The following PARD3B variants were observed in gnomAD, a reference collection of about 807,000 sequenced individuals.
PARD3B encodes par-3 family cell polarity regulator beta.
PARD3B carries 103 observed loss-of-function variants against 130.2 expected under a neutral mutation model. That is an observed-to-expected ratio of 0.79 (90% CI 0.67 to 0.93). The LOEUF is 0.93. Among genes scored for constraint, PARD3B ranks in the 40% least tolerant of loss-of-function variants. The pLI is 0.00. For synonymous variants in PARD3B, 583 were observed against 553.2 expected (o/e 1.05, Z -0.76); for missense variants, 1,609 against 1,499.2 (o/e 1.07, Z -1.21).
chr2:205,210,503 A>G (rs983227963), intron 15 of PARD3B, among the ~76,000 whole-genome samples: 1 of 152,080 alleles, frequency 6.6e-6, no homozygotes, highest in African/African-American at 2.4e-5. Context: ...AGTTGTTTCC[A>G]ATTCTTCACT....
At chr2:205,010,510 C>G (rs988205528) in intron 3 of PARD3B, among the ~76,000 whole-genome samples, 3 of 152,170 alleles carry the variant, frequency 2.0e-5, no homozygotes, top group African/African-American at 7.2e-5. Flanking sequence ...CAGTAGCTTT[C>G]TAAGAAAGAT....
At chr2:204,944,690 T>C (rs1689171528) in intron 2 of PARD3B, among the ~76,000 whole-genome samples, 1 of 152,262 alleles carries the variant, frequency 6.6e-6, no homozygotes, top group South Asian at 2.1e-4. Flanking sequence ...TAGTGAGTTT[T>C]CTAAATTTTA....
chr2:204,877,512 T>G (rs1487439081), intron 2 of PARD3B, among the ~76,000 whole-genome samples: 1 of 152,178 alleles, frequency 6.6e-6, no homozygotes, highest in Non-Finnish European at 1.5e-5. Context: ...CTAGCGTATG[T>G]GCAGTTTTTG....
rs192043382 is a variant in PARD3B, at chr2:205,297,719, A to G, written c.2186-2811A>G. ...TACAGCTACATTCTGTGCATTCTCC[A>G]GGAATAAATAGAATTTTTTTTCCAA... On this transcript the variant is annotated intron_variant, in intron 16 of 22. Transcript: ENST00000406610. 3.3e-5 allele frequency among the ~76,000 whole-genome samples: 5 copies of G among 152,292 alleles called. No individual in the cohort carries two copies. The East Asian group carries it at 9.7e-4, about 29-fold the overall frequency.
At chr2:204,845,697 A>G (rs2044434553) in intron 2 of PARD3B, among the ~76,000 whole-genome samples, 1 of 152,128 alleles carries the variant, frequency 6.6e-6, no homozygotes, top group Non-Finnish European at 1.5e-5. Flanking sequence ...TACATAGGTT[A>G]CAAGTGAATA....
At position 204,986,417 on chromosome 2, in the gene PARD3B, G is replaced by T. The variant is rs75074559; in HGVS notation, c.394+21094G>T. Among the ~76,000 whole-genome samples the T allele has an allele frequency of 5.7e-4, 87 of 152,298 alleles. 1 individual carries two copies. Among genetic ancestry groups the T allele is most frequent in the Middle Eastern group, 3.4e-3 (1 of 294 alleles). ...ACTGTGATTTGTCTCAGCAATGGCA[G>T]TTACTGATTTGTAATAATCAGTACT... On this transcript the variant is annotated intron_variant, in intron 3 of 22. Transcript: ENST00000406610.
At chr2:204,744,913 G>A (rs1325201403) in intron 2 of PARD3B, among the ~76,000 whole-genome samples, 2 of 152,160 alleles carry the variant, frequency 1.3e-5, no homozygotes, top group Non-Finnish European at 2.9e-5. Flanking sequence ...GATTAATTGA[G>A]TGGGGCTGTC....
chr2:204,782,738 C>A (rs2041882534), intron 2 of PARD3B, among the ~76,000 whole-genome samples: 1 of 151,870 alleles, frequency 6.6e-6, no homozygotes, highest in South Asian at 2.1e-4. Flanking sequence ...TATATTTTCA[C>A]TATATCTTTT....
At chr2:205,561,468 A>C (rs1004854082) in intron 22 of PARD3B, among the ~76,000 whole-genome samples, 3 of 152,184 alleles carry the variant, frequency 2.0e-5, no homozygotes, top group African/African-American at 7.2e-5. Context: ...AAAAGCTGAC[A>C]AAGTCTCCAT....
intron 3 of PARD3B, among the ~76,000 whole-genome samples, chr2:205,009,550 A>G (rs1321329025): frequency 1.3e-5 from 2 of 152,058 alleles, no homozygotes; most frequent in Non-Finnish European, 2.9e-5. Flanking sequence ...GGGCGCCTGT[A>G]GTCCCAGCTT....
chr2:204,617,706 C>T (rs1220773247), intron 1 of PARD3B, among the ~76,000 whole-genome samples: 4 of 152,140 alleles, frequency 2.6e-5, no homozygotes, highest in Admixed American at 2.6e-4. Flanking sequence ...CACTCTCCAC[C>T]CTCAAGGAGG....
chr2:205,238,906 A>G (rs1261521368), intron 15 of PARD3B, among the ~76,000 whole-genome samples: 6 of 128,954 alleles, frequency 4.7e-5, no homozygotes, highest in East Asian at 2.5e-4. Context: ...ATATATATAT[A>G]TATGTATGTG....
Position 205,104,532 on chromosome 2 carries a change from A to T in PARD3B, c.593+18A>T. The stretch of plus-strand genomic sequence containing the variant: ...ACATTGAGGTATTCTCTTTATACAG[A>T]TAAGAATATCTGATTTATTTCAATT... On this transcript the variant is annotated intron_variant, in intron 5 of 22. Coordinates refer to ENST00000406610, the MANE Select transcript of PARD3B (RefSeq NM_001302769.2). 1 of 1,396,186 alleles carries T rather than the reference A, an allele frequency of 7.2e-7. No homozygotes were observed. The highest frequency in any genetic ancestry group is 1.4e-5 in the African/African-American group (1 of 70,632). The allele number at this position is 1,396,186 out of a possible 1,614,324, so 86.5% of individuals were successfully genotyped here. A position where few individuals can be genotyped will look rare whatever the true frequency, so the allele number is the denominator to read the frequency against.
chr2:204,958,278 T>C (rs1288073469), intron 2 of PARD3B, among the ~76,000 whole-genome samples: 1 of 152,202 alleles, frequency 6.6e-6, no homozygotes, highest in Non-Finnish European at 1.5e-5. Context: ...ACCATGAATA[T>C]TGAGAGACTC....
At chr2:204,814,195 C>A (rs954043052) in intron 2 of PARD3B, among the ~76,000 whole-genome samples, 49 of 151,848 alleles carry the variant, frequency 3.2e-4, no homozygotes, top group African/African-American at 1.2e-3. Context: ...TTTATACTTA[C>A]AGTTTTCATA....
At chr2:204,698,500 A>AT (rs981064205) in intron 2 of PARD3B, among the ~76,000 whole-genome samples, 61 of 151,974 alleles carry the variant, frequency 4.0e-4, no homozygotes, top group African/African-American at 1.4e-3. Flanking sequence ...TTTGGTGCGA[A>AT]TTATATCTTT....
At position 204,723,188 on chromosome 2, in the gene PARD3B, A is replaced by G. The variant is rs373181548; in HGVS notation, c.222+36906A>G. Among the ~76,000 whole-genome samples the G allele has an allele frequency of 1.7e-4, 26 of 152,306 alleles. No individual in the cohort carries two copies. In the East Asian group the frequency reaches 4.8e-3, roughly 28 times the overall value. Reference sequence around the variant, plus strand: ...TTAGATGCTGTTGAGTATGTTTTTAACAAAGTATAAGTAGATTGGTTTTAA... The same window carrying G: ...TTAGATGCTGTTGAGTATGTTTTTAGCAAAGTATAAGTAGATTGGTTTTAA... On this transcript the variant is annotated intron_variant, in intron 2 of 22. Coordinates refer to ENST00000406610, the MANE Select transcript of PARD3B (RefSeq NM_001302769.2).
intron 2 of PARD3B, among the ~76,000 whole-genome samples, chr2:204,860,992 G>C (rs762345162): frequency 1.3e-5 from 2 of 152,070 alleles, no homozygotes; most frequent in Non-Finnish European, 2.9e-5. Context: ...ATACATAATT[G>C]AATCACTGAA....
At chr2:205,437,412 A>G (rs565519495) in intron 19 of PARD3B, among the ~76,000 whole-genome samples, 1 of 152,194 alleles carries the variant, frequency 6.6e-6, no homozygotes, top group Non-Finnish European at 1.5e-5. Flanking sequence ...ATGAGGTGAC[A>G]TACCAAAAAC....
Sources: gnomAD v4.1 joint callset for allele counts (sites outside exome capture counted in the v4.1 genomes callset) on GRCh38, gnomAD v4.1.1 for gene constraint, MANE v1.5 for transcripts, NCBI Gene and HGNC (gene_info 2026-07-23, HGNC 2026-07-21) for gene names.